Variants in ERC2 observed in about 807,000 individuals in gnomAD.
ERC2 encodes ERC protein 2.
Under a neutral mutation model 114.8 loss-of-function variants are expected in ERC2, and 42 were observed. The observed-to-expected ratio is 0.37, with a 90% CI of 0.29 to 0.47. The LOEUF is 0.47. Among genes scored for constraint, ERC2 ranks in the 20% least tolerant of loss-of-function variants. The probability of loss-of-function intolerance (pLI) is 0.99; values close to 1 mark genes in which losing one functional copy is unlikely to be tolerated. For synonymous variants in ERC2, 454 were observed against 425.5 expected, an observed-to-expected ratio of 1.07 and a Z score of -0.82; for missense variants, 939 against 1,150.7, an observed-to-expected ratio of 0.82 and a Z score of 2.66.
intron 2 of ERC2, among the ~76,000 whole-genome samples, chr3:56,371,354 G>T (rs1305479853): frequency 1.3e-5 from 2 of 152,170 alleles, no homozygotes; most frequent in Admixed American, 6.5e-5. Context: ...CCCATCTGCA[G>T]CTTCCCCAAG....
chr3:56,197,637 A>G (rs1245752215), intron 3 of ERC2, among the ~76,000 whole-genome samples: 1 of 152,222 alleles, frequency 6.6e-6, no homozygotes, highest in Non-Finnish European at 1.5e-5. Flanking sequence ...ACTATACATG[A>G]GAAAGGGTGA....
intron 2 of ERC2, among the ~76,000 whole-genome samples, chr3:56,408,910 G>A (rs1282467422): frequency 6.6e-6 from 1 of 152,260 alleles, no homozygotes; most frequent in Non-Finnish European, 1.5e-5. Flanking sequence ...AGGAACGCAC[G>A]AGGCTGGCGT....
intron 14 of ERC2, among the ~76,000 whole-genome samples, chr3:55,832,720 C>T (rs1428569646): frequency 3.3e-5 from 5 of 152,214 alleles, no homozygotes; most frequent in South Asian, 2.1e-4. Context: ...TTCAAAGGAA[C>T]GCAGTTCCTC....
At chr3:55,922,832 C>T (rs1276448807) in intron 13 of ERC2, among the ~76,000 whole-genome samples, 1 of 152,086 alleles carries the variant, frequency 6.6e-6, no homozygotes, top group African/African-American at 2.4e-5. Context: ...TCAACATCAC[C>T]AGATATTGGG....
intron 17 of ERC2, among the ~76,000 whole-genome samples, chr3:55,663,964 TA>T (rs1223091944): frequency 6.6e-6 from 1 of 152,198 alleles, no homozygotes; most frequent in Non-Finnish European, 1.5e-5. Flanking sequence ...CGCTTGTTTG[TA>T]AATTGTACCA....
chr3:55,980,512 G>C (rs2070031645), intron 12 of ERC2, among the ~76,000 whole-genome samples: 1 of 152,118 alleles, frequency 6.6e-6, no homozygotes, highest in Non-Finnish European at 1.5e-5. Flanking sequence ...ATAATGAAGT[G>C]ATAGAATTCA....
intron 17 of ERC2, among the ~76,000 whole-genome samples, chr3:55,585,116 C>T (rs1224573872): frequency 1.3e-5 from 2 of 152,214 alleles, no homozygotes; most frequent in Admixed American, 1.3e-4. Context: ...ATTAGCATTC[C>T]TCGGTTTACC....
intron 3 of ERC2, among the ~76,000 whole-genome samples, chr3:56,218,430 C>G (rs944701890): frequency 6.6e-6 from 1 of 152,162 alleles, no homozygotes; most frequent in African/African-American, 2.4e-5. Flanking sequence ...CAAATCAAAA[C>G]CACAATGAGA....
At chr3:55,638,818 C>A (rs1261993823) in intron 17 of ERC2, among the ~76,000 whole-genome samples, 1 of 152,320 alleles carries the variant, frequency 6.6e-6, no homozygotes, top group South Asian at 2.1e-4. Flanking sequence ...GAAAACTTTA[C>A]GCATTGTTCT....
At chr3:55,979,723 C>T (rs150741888) in intron 12 of ERC2, among the ~76,000 whole-genome samples, 196 of 151,884 alleles carry the variant, frequency 1.3e-3, no homozygotes, top group African/African-American at 4.1e-3. Context: ...GGAAAAGGAG[C>T]CACACCAGGA....
chr3:55,754,577 G>A lies in ERC2; in HGVS notation c.2565-19659C>T, dbSNP rs189937901. Among the ~76,000 whole-genome samples, 64 of 59,916 alleles carry A rather than the reference G, an allele frequency of 1.1e-3. No homozygotes were observed. The East Asian group carries it at 0.033, about 31-fold the overall frequency. 39.3% of individuals were successfully genotyped at this position (59,916 alleles called of 152,430 possible). ...AATTTGCTTGAGAAAAAAACCCTGC[G>A]TGGCTATGACAGTTATCCATTCTTA... On this transcript the variant is annotated intron_variant, in intron 14 of 17. Transcript: ENST00000288221.
At chr3:56,108,732 A>C (rs2078800362) in intron 6 of ERC2, among the ~76,000 whole-genome samples, 1 of 152,110 alleles carries the variant, frequency 6.6e-6, no homozygotes, top group Admixed American at 6.6e-5. Context: ...AACTAGGGGG[A>C]AATCAGGTAA....
intron 17 of ERC2, chr3:55,659,046 A>C (rs2061003145): frequency 6.6e-6 from 1 of 152,588 alleles, no homozygotes; most frequent in African/African-American, 2.4e-5. Context: ...CAAGGAAAGC[A>C]AGCAAGCATT....
chr3:56,149,439 C>A (rs2149950909), intron 4 of ERC2, among the ~76,000 whole-genome samples: 1 of 152,224 alleles, frequency 6.6e-6, no homozygotes, highest in South Asian at 2.1e-4. Context: ...TGTTAAAAAA[C>A]AAAACAGAAC....
intron 15 of ERC2, among the ~76,000 whole-genome samples, chr3:55,712,612 G>A (rs1189950885): frequency 2.6e-5 from 4 of 152,276 alleles, no homozygotes; most frequent in African/African-American, 9.6e-5. Context: ...AGCCATCCTG[G>A]TGGATGGTGG....
At chr3:55,785,808 G>C (rs1350611079) in intron 14 of ERC2, among the ~76,000 whole-genome samples, 1 of 152,108 alleles carries the variant, frequency 6.6e-6, no homozygotes, top group Non-Finnish European at 1.5e-5. Flanking sequence ...TCAAATAATT[G>C]TTACTGATAA....
intron 14 of ERC2, among the ~76,000 whole-genome samples, chr3:55,762,289 T>C (rs1238859239): frequency 6.6e-6 from 1 of 152,170 alleles, no homozygotes; most frequent in African/African-American, 2.4e-5. Flanking sequence ...AGGGAGCATT[T>C]TCTTTCATTT....
intron 12 of ERC2, among the ~76,000 whole-genome samples, chr3:55,981,013 A>G (rs2070086568): frequency 6.6e-6 from 1 of 152,258 alleles, no homozygotes; most frequent in Non-Finnish European, 1.5e-5. Context: ...TGCAGCATAA[A>G]GCCCTAGTTC....
intron 13 of ERC2, among the ~76,000 whole-genome samples, chr3:55,921,583 G>A (rs1212814114): frequency 2.0e-5 from 3 of 152,030 alleles, no homozygotes; most frequent in Non-Finnish European, 4.4e-5. Flanking sequence ...TGAATACAAT[G>A]CAATGGCTTC....
Sources: allele counts gnomAD v4.1 joint callset (sites outside exome capture counted in the v4.1 genomes callset), GRCh38; gene constraint gnomAD v4.1.1; transcripts MANE v1.5; gene names NCBI Gene and HGNC (gene_info 2026-07-23, HGNC 2026-07-21).